The following PAMR1 variants were observed in gnomAD, a reference collection of about 807,000 sequenced individuals.
PAMR1 encodes the protein inactive serine protease PAMR1.
PAMR1 carries 88 observed loss-of-function variants against 81.8 expected under a neutral mutation model. The ratio of observed to expected loss-of-function variants is 1.08; its 90% CI spans 0.91 to 1.28. PAMR1 has a LOEUF of 1.28. Ranked by LOEUF, PAMR1 falls within the 50% of genes most tolerant of loss-of-function variation. PAMR1 has a pLI of 0.00. For missense variants in PAMR1, 935 were observed against 919.7 expected, an observed-to-expected ratio of 1.02 and a Z score of -0.21; for synonymous variants, 336 against 345.3, an observed-to-expected ratio of 0.97 and a Z score of 0.30.
At chr11:35,482,419 T>C (rs1208918143) in intron 3 of PAMR1, among the ~76,000 whole-genome samples, 2 of 152,246 alleles carry the variant, frequency 1.3e-5, no homozygotes, top group African/African-American at 4.8e-5. Flanking sequence ...ACCAGTACCA[T>C]TCTATTTTGA....
At chr11:35,499,832 A>AT (rs1242099199) in intron 1 of PAMR1, among the ~76,000 whole-genome samples, 1 of 152,206 alleles carries the variant, frequency 6.6e-6, no homozygotes, top group Non-Finnish European at 1.5e-5. Context: ...GGCAGAAGGG[A>AT]TTTTACAGAT....
intron 1 of PAMR1, among the ~76,000 whole-genome samples, chr11:35,504,261 T>C (rs989820314): frequency 1.3e-4 from 20 of 152,176 alleles, no homozygotes; most frequent in Non-Finnish European, 1.3e-4. Flanking sequence ...TAATGTGTTG[T>C]TGAATTCAGT....
intron 3 of PAMR1, among the ~76,000 whole-genome samples, chr11:35,488,754 G>A (rs1850560740): frequency 9.0e-6 from 1 of 110,626 alleles, no homozygotes; most frequent in African/African-American, 3.5e-5. Context: ...TGTATTGTTT[G>A]TAGAGACAGG....
At chr11:35,491,941 G>C (rs1277136277) in intron 3 of PAMR1, 104 bp downstream of exon 3, 3 of 1,065,168 alleles carry the variant, frequency 2.8e-6, no homozygotes, top group African/African-American at 3.2e-5. Context: ...CTGGCTGCAG[G>C]CTTTCCAAAA....
At position 35,435,952 on chromosome 11, in the gene PAMR1, T is replaced by C. The variant is rs1288655830; in HGVS notation, c.1284A>G (p.Thr428=). Residue 428 remains threonine, a synonymous_variant, in exon 9 of 11, where the codon ACA becomes ACG. Transcript: ENST00000619888. ...FYRRLGSSRR[T]CLRTGKWSGR... The stretch of plus-strand genomic sequence containing the variant: ...CACTCCACTTCCCAGTCCTCAGACA[T>C]GTCCTCCTGCTGCTGCCCAGGCGGC... 7 of 1,614,086 alleles carry C rather than the reference T, an allele frequency of 4.3e-6. No homozygotes were observed. Among genetic ancestry groups the C allele is most frequent in the Non-Finnish European group, 5.1e-6 (6 of 1,180,048 alleles).
chr11:35,528,012 C>T (rs965835809), upstream of PAMR1, among the ~76,000 whole-genome samples: 1 of 152,044 alleles, frequency 6.6e-6, no homozygotes. Flanking sequence ...CACCTCCCAG[C>T]CCCCACCACA....
At position 35,468,587 on chromosome 11, in the gene PAMR1, A is replaced by T. The variant is rs1404233914; in HGVS notation, c.713-479T>A. Among the ~76,000 whole-genome samples, 3 of 152,236 alleles carry T rather than the reference A, an allele frequency of 2.0e-5. No homozygotes were observed. The East Asian group carries it at 5.8e-4, about 29-fold the overall frequency. ...ATTTCCAAACTTACATTCTGTAATC[A>T]TTAGTCCCTTGAGATGTTGATGTGT... On this transcript the variant is annotated intron_variant, in intron 5 of 10. Transcript: ENST00000619888.
chr11:35,444,704 G>C (rs932872375), intron 6 of PAMR1, among the ~76,000 whole-genome samples: 7 of 152,074 alleles, frequency 4.6e-5, no homozygotes, highest in Non-Finnish European at 7.4e-5. Flanking sequence ...TGGTCTATGT[G>C]TCTGTTTTTA....
intron 2 of PAMR1, among the ~76,000 whole-genome samples, chr11:35,493,112 G>C (rs1850660531): frequency 6.6e-6 from 1 of 152,026 alleles, no homozygotes; most frequent in Non-Finnish European, 1.5e-5. Context: ...CCAACGTGTG[G>C]TCAATTCCAT....
chr11:35,487,562 G>T (rs530335452), intron 3 of PAMR1, among the ~76,000 whole-genome samples: 5 of 152,308 alleles, frequency 3.3e-5, no homozygotes, highest in African/African-American at 1.2e-4. Context: ...CTTCGACTGG[G>T]TCCTCCGTCT....
chr11:35,488,992 CT>C (rs1244463995), intron 3 of PAMR1, among the ~76,000 whole-genome samples: 1 of 152,182 alleles, frequency 6.6e-6, no homozygotes, highest in African/African-American at 2.4e-5. Flanking sequence ...CTGCCCCCAG[CT>C]TCCAGAACCC....
intron 6 of PAMR1, among the ~76,000 whole-genome samples, chr11:35,455,665 A>C (rs1856513380): frequency 6.6e-6 from 1 of 152,204 alleles, no homozygotes; most frequent in African/African-American, 2.4e-5. Flanking sequence ...AGCATGTCAC[A>C]CAGAATGATG....
intron 7 of PAMR1, among the ~76,000 whole-genome samples, chr11:35,441,161 A>G (rs1414125909): frequency 6.6e-6 from 1 of 152,232 alleles, no homozygotes; most frequent in Non-Finnish European, 1.5e-5. Flanking sequence ...GTACATGCTT[A>G]TACATTGCCT....
chr11:35,479,063 A>T (rs1183120614), intron 3 of PAMR1, among the ~76,000 whole-genome samples: 1 of 152,124 alleles, frequency 6.6e-6, no homozygotes, highest in Non-Finnish European at 1.5e-5. Flanking sequence ...ACAAAAATGA[A>T]CACCCTTAGC....
At position 35,432,802 on chromosome 11, in the gene PAMR1, T is replaced by C. The variant is rs767342948; in HGVS notation, c.1717A>G (p.Ser573Gly). The change falls in exon 11 of 11, where the codon AGC becomes GGC. Residue 573 changes from serine to glycine, a missense_variant. Ser to Gly is a moderately conservative substitution (Grantham distance 56). Coordinates refer to ENST00000619888, the MANE Select transcript of PAMR1 (RefSeq NM_001001991.3). ...AGGCAGATGGGCTGGACTCGGGTGC[T>C]GATACGGGCCTTGTCTAGGAGCTTC... ...ILKLLDKARI[S>G]TRVQPICLAA... 16 of 1,608,806 alleles carry C rather than the reference T, an allele frequency of 9.9e-6. No homozygotes were observed. Among genetic ancestry groups the C allele is most frequent in the Middle Eastern group, 1.6e-4 (1 of 6,084 alleles).
chr11:35,439,772 AC>A, intron 7 of PAMR1, 79 bp from the exon 8 acceptor site: 1 of 1,251,970 alleles, frequency 8.0e-7, no homozygotes. Context: ...TTCATACCTG[AC>A]CCCCACTTCT....
chr11:35,434,872 T>A, intron 9 of PAMR1, 68 bp from the exon 10 acceptor site: 1 of 1,478,796 alleles, frequency 6.8e-7, no homozygotes. Flanking sequence ...ATGTGTCACT[T>A]AACCAGAGAG....
chr11:35,526,368 C>T (rs1851390231), upstream of PAMR1, among the ~76,000 whole-genome samples: 1 of 152,188 alleles, frequency 6.6e-6, no homozygotes, highest in South Asian at 2.1e-4. Flanking sequence ...ACACGCCAGG[C>T]AGGGATGGCG....
chr11:35,498,375 CTCAGT>C (rs1213176120), intron 1 of PAMR1, among the ~76,000 whole-genome samples: 1 of 152,156 alleles, frequency 6.6e-6, no homozygotes, highest in Non-Finnish European at 1.5e-5. Context: ...CTCTCTCAGT[CTCAGT>C]TTAGTATCCA....
Sources: gnomAD v4.1 joint callset for allele counts (sites outside exome capture counted in the v4.1 genomes callset) on GRCh38, gnomAD v4.1.1 for gene constraint, MANE v1.5 for transcripts, NCBI Gene and HGNC (gene_info 2026-07-23, HGNC 2026-07-21) for gene names.